Variants in COL4A1 observed in about 807,000 individuals in gnomAD.
The protein encoded by COL4A1 is collagen alpha-1(IV) chain.
In COL4A1, 40 loss-of-function variants were observed where a neutral mutation model predicts 216.6. The ratio of observed to expected loss-of-function variants is 0.18; its 90% CI spans 0.14 to 0.24. The LOEUF is 0.24. Ranked by LOEUF, COL4A1 falls within the 10% of genes least tolerant of loss-of-function variation. COL4A1 has a pLI of 1.00. For missense variants in COL4A1, 1,628 were observed against 2,196.8 expected, an observed-to-expected ratio of 0.74 and a Z score of 5.18; for synonymous variants, 839 against 810.7, an observed-to-expected ratio of 1.03 and a Z score of -0.59.
chr13:110,261,215 G>A (rs1882811521), intron 1 of COL4A1, among the ~76,000 whole-genome samples: 1 of 152,302 alleles, frequency 6.6e-6, no homozygotes, highest in Non-Finnish European at 1.5e-5. Context: ...CCCCAGGAAG[G>A]GGGAATGGAG....
intron 24 of COL4A1, among the ~76,000 whole-genome samples, chr13:110,188,425 G>A (rs1878493501): frequency 6.6e-6 from 1 of 152,186 alleles, no homozygotes; most frequent in African/African-American, 2.4e-5. Context: ...GCTAGCATTG[G>A]TTACCAGCCT....
chr13:110,170,594 T>G lies in COL4A1; in HGVS notation c.3695A>C (p.Glu1232Ala). 1 of 1,610,750 alleles carries G rather than the reference T, an allele frequency of 6.2e-7. No homozygotes were observed. Among genetic ancestry groups the G allele is most frequent in the Non-Finnish European group, 8.5e-7 (1 of 1,178,428 alleles). Residue 1232 changes from glutamate (E) to alanine (A), a missense_variant, in exon 42 of 52, where the codon GAG becomes GCG. Transcript: ENST00000375820. ...GLPGSPGHAT[E>A]GPKGDRGPQG... ...AGGTCCGCGGTCTCCTTTGGGCCCC[T>G]CCGTGGCATGGCCTGGGGATCCCGG...
intron 2 of COL4A1, among the ~76,000 whole-genome samples, chr13:110,219,864 G>GTATATA (rs1330561109): frequency 0.056 from 2,981 of 52,770 alleles, 116 homozygotes; most frequent in Middle Eastern, 0.11. Flanking sequence ...ATGTATATAT[G>GTATATA]TGTGTGTATA....
intron 1 of COL4A1, among the ~76,000 whole-genome samples, chr13:110,306,687 G>C (rs1884736097): frequency 6.6e-6 from 1 of 152,208 alleles, no homozygotes; most frequent in South Asian, 2.1e-4. Context: ...CCACAGCGCG[G>C]GCTGTTTCTC....
At chr13:110,227,925 C>T (rs749105402) in intron 2 of COL4A1, among the ~76,000 whole-genome samples, 4 of 152,188 alleles carry the variant, frequency 2.6e-5, no homozygotes, top group Non-Finnish European at 5.9e-5. Flanking sequence ...GGAGCTGATC[C>T]CAGAGCCCTT....
At chr13:110,209,854 C>T (rs1206726064) in intron 10 of COL4A1, 126 bp downstream of exon 10, 4 of 1,177,900 alleles carry the variant, frequency 3.4e-6, no homozygotes, top group Middle Eastern at 1.9e-4. Context: ...GAAGCTGATT[C>T]CGCCATGTCC....
intron 22 of COL4A1, among the ~76,000 whole-genome samples, chr13:110,193,957 G>A (rs760032524): frequency 4.6e-5 from 7 of 152,324 alleles, no homozygotes; most frequent in South Asian, 2.1e-4. Flanking sequence ...CGATGGAGTC[G>A]AAAGAGGAAT....
intron 1 of COL4A1, among the ~76,000 whole-genome samples, chr13:110,297,257 A>G (rs1472578803): frequency 1.3e-5 from 2 of 152,196 alleles, no homozygotes; most frequent in African/African-American, 2.4e-5. Flanking sequence ...ACTCATTAAC[A>G]TACAAAGACA....
chr13:110,159,895 C>T (rs7981946), intron 49 of COL4A1, among the ~76,000 whole-genome samples: 40,826 of 151,630 alleles, frequency 0.27, 5,899 homozygotes, highest in Non-Finnish European at 0.32. Flanking sequence ...GAGGTGTCTA[C>T]GGGGGTCAAA....
intron 2 of COL4A1, among the ~76,000 whole-genome samples, chr13:110,222,219 C>A (rs1316070824): frequency 6.6e-6 from 1 of 152,098 alleles, no homozygotes; most frequent in Non-Finnish European, 1.5e-5. Flanking sequence ...GGCCCTGGCA[C>A]CTCAGACACA....
At chr13:110,217,887 T>C (rs889197104) in intron 2 of COL4A1, among the ~76,000 whole-genome samples, 1 of 152,234 alleles carries the variant, frequency 6.6e-6, no homozygotes, top group Non-Finnish European at 1.5e-5. Flanking sequence ...AATTCTTGCT[T>C]AATGCATTAT....
At chr13:110,239,645 C>T (rs1055810851) in intron 2 of COL4A1, among the ~76,000 whole-genome samples, 1 of 152,130 alleles carries the variant, frequency 6.6e-6, no homozygotes, top group African/African-American at 2.4e-5. Context: ...TATTCCAACC[C>T]CTTTAGTCAT....
chr13:110,153,900 G>A (rs192908328), intron 50 of COL4A1, among the ~76,000 whole-genome samples: 1 of 152,126 alleles, frequency 6.6e-6, no homozygotes, highest in Non-Finnish European at 1.5e-5. Flanking sequence ...CACACAGCAC[G>A]TCTGGAAGGT....
At chr13:110,219,593 G>A (rs1047985954) in intron 2 of COL4A1, among the ~76,000 whole-genome samples, 2 of 150,228 alleles carry the variant, frequency 1.3e-5, no homozygotes, top group Non-Finnish European at 3.0e-5. Context: ...AGCACATACA[G>A]ACGCACCTCA....
At chr13:110,162,084 GC>G in intron 48 of COL4A1, 145 bp downstream of exon 48, 1 of 803,792 alleles carries the variant, frequency 1.2e-6, no homozygotes, top group Admixed American at 1.7e-5. Context: ...GGGCCGGGCT[GC>G]TTTTTCACTG....
chr13:110,290,078 A>G (rs1487742079), intron 1 of COL4A1, among the ~76,000 whole-genome samples: 1 of 152,138 alleles, frequency 6.6e-6, no homozygotes, highest in African/African-American at 2.4e-5. Flanking sequence ...TCCAAAGGTG[A>G]CTCGGTGCTA....
At chr13:110,292,166 C>T (rs569310933) in intron 1 of COL4A1, among the ~76,000 whole-genome samples, 1 of 152,322 alleles carries the variant, frequency 6.6e-6, no homozygotes, top group African/African-American at 2.4e-5. Flanking sequence ...TATCTACTGC[C>T]AAATTCAGGG....
At chr13:110,183,918 C>G (rs9588108) in intron 26 of COL4A1, among the ~76,000 whole-genome samples, 53,772 of 152,020 alleles carry the variant, frequency 0.35, 9,556 homozygotes, top group East Asian at 0.44. Context: ...GGACCAAAGG[C>G]TTCCCCTCCA....
At position 110,268,263 on chromosome 13, in the gene COL4A1, G is replaced by A. The variant is rs1883116820; in HGVS notation, c.85-25529C>T. 1.3e-5 allele frequency among the ~76,000 whole-genome samples: 2 copies of A among 151,942 alleles called. No homozygotes were observed. The highest frequency in any genetic ancestry group is 2.4e-5 in the African/African-American group (1 of 41,404). On this transcript the variant is annotated intron_variant, in intron 1 of 51. Transcript: ENST00000375820. This position sits in a 1 kb window ranked among gnomAD's most constrained non-coding sequence, Gnocchi z 4.1. ...AAACCAGGAAAGGCATATGGATGAC[G>A]AATGGCTCTGCACACTCCTGTGATG...
Sources: allele counts gnomAD v4.1 joint callset (sites outside exome capture counted in the v4.1 genomes callset), GRCh38; gene constraint gnomAD v4.1.1; non-coding constraint Gnocchi (gnomAD v3.1); transcripts MANE v1.5; gene names NCBI Gene and HGNC (gene_info 2026-07-23, HGNC 2026-07-21).